MUC3A: variants seen among roughly 807,000 people sequenced by gnomAD.
The protein encoded by MUC3A is mucin-3A.
A neutral mutation model predicts 109.0 loss-of-function variants in MUC3A; 109 were observed. The ratio of observed to expected loss-of-function variants is 1.00; its 90% CI spans 0.86 to 1.17. The LOEUF is 1.17. MUC3A is among the 50% of genes most tolerant of loss of function. The probability of loss-of-function intolerance (pLI) is 0.00; values close to 1 mark genes in which losing one functional copy is unlikely to be tolerated. For synonymous variants in MUC3A, 1,398 were observed against 981.4 expected (o/e 1.42, Z -7.93); for missense variants, 3,537 against 2,469.4 (o/e 1.43, Z -9.16).
chr7:100,964,634 G>C (rs1189947137), intron 5 of MUC3A, 61 bp from the exon 6 acceptor site: 1 of 1,546,596 alleles, frequency 6.5e-7, no homozygotes, highest in Non-Finnish European at 8.7e-7. Flanking sequence ...TTCTGGAGGT[G>C]CCCCTCCAAG....
In MUC3A at chr7:100,958,517, T is replaced by A. The variant is rs1344573003; in HGVS notation, c.6738T>A (p.Thr2246=). Residue 2246 remains threonine, a synonymous_variant, in exon 2 of 12, where the codon ACT becomes ACA. Coordinates refer to ENST00000379458, the MANE Select transcript of MUC3A (RefSeq NM_005960.2). Reference sequence around the variant, plus strand: ...GCTTCACTTCTTCAATCACCACCACTGAGACTACATCCCACAGTACTCCCA... The same window carrying A: ...GCTTCACTTCTTCAATCACCACCACAGAGACTACATCCCACAGTACTCCCA... ...TPGFTSSITT[T]ETTSHSTPSF... is the part of the protein sequence containing the mutation. The A allele has an allele frequency of 0.015, 5,955 of 410,132 alleles. 33 individuals carry two copies. Among genetic ancestry groups the A allele is most frequent in the Middle Eastern group, 0.035 (52 of 1,468 alleles). The allele number at this position is 410,132 out of a possible 1,614,324, so 25.4% of individuals were successfully genotyped here. A position where few individuals can be genotyped will look rare whatever the true frequency, so the allele number is the denominator to read the frequency against.
chr7:100,957,270 A>G lies in MUC3A; in HGVS notation c.5491A>G (p.Thr1831Ala). The G allele has an allele frequency of 1.9e-6, 1 of 523,714 alleles. No homozygotes were observed. Among genetic ancestry groups the G allele is most frequent in the Non-Finnish European group, 3.3e-6 (1 of 300,188 alleles). 32.4% of individuals were successfully genotyped at this position (523,714 alleles called of 1,614,324 possible). A position where few individuals can be genotyped will look rare whatever the true frequency, so the allele number is the denominator to read the frequency against. Reference protein sequence around the residue: ...TLVTTFSNSDTSSTPTSETTY... With the variant: ...TLVTTFSNSDASSTPTSETTY... ...GGTGACCACATTCTCCAATTCCGAC[A>G]CCAGTTCTACACCTACATCTGAGAC... Residue 1831 changes from threonine to alanine, a missense_variant, in exon 2 of 12, where the codon ACC (threonine) becomes GCC (alanine). Coordinates refer to ENST00000379458, the MANE Select transcript of MUC3A (RefSeq NM_005960.2).
In MUC3A at chr7:100,952,670, T is replaced by G; in HGVS notation, c.891T>G (p.Pro297=). ...SPTRTILSST[P]VLSTETITSG... ...CTAGGACCATTTTATCTTCCACACCTGTCCTGAGCACAGAAACAATCACCA... is the reference window on the plus strand; with the variant it reads ...CTAGGACCATTTTATCTTCCACACCGGTCCTGAGCACAGAAACAATCACCA... The change falls in exon 2 of 12, where the codon CCT becomes CCG. Residue 297 remains proline, a synonymous_variant. Transcript: ENST00000379458. 1 of 1,598,542 alleles carries G rather than the reference T, an allele frequency of 6.3e-7. No individual in the cohort carries two copies. The highest frequency in any genetic ancestry group is 8.5e-7 in the Non-Finnish European group (1 of 1,179,798).
intron 6 of MUC3A, 99 bp from the exon 7 acceptor site, chr7:100,965,183 A>C (rs1378776681): frequency 6.5e-7 from 1 of 1,531,268 alleles, no homozygotes; most frequent in South Asian, 1.2e-5. Context: ...GAGAGCCCTC[A>C]CTGCCCTCCC....
chr7:100,951,998 T>C lies in MUC3A; in HGVS notation c.219T>C (p.Asn73=). ...LASPAPGHRE[N]APMTLTTSPH... ...CTCCTGCTCCTGGCCACAGGGAAAA[T>C]GCACCTATGACACTCACTACCTCCC... The change falls in exon 2 of 12, where the codon AAT becomes AAC. Residue 73 remains asparagine, a synonymous_variant. Coordinates refer to ENST00000379458, the MANE Select transcript of MUC3A (RefSeq NM_005960.2). 3 of 1,598,662 alleles carry C rather than the reference T, an allele frequency of 1.9e-6. No homozygotes were observed. The highest frequency in any genetic ancestry group is 1.7e-5 in the Admixed American group (1 of 60,028).
Position 100,958,679 on chromosome 7 carries a change from C to G in MUC3A, c.6900C>G (p.Thr2300=). The G allele has an allele frequency of 6.9e-6, 9 of 1,298,344 alleles. No homozygotes were observed. The highest frequency in any genetic ancestry group is 7.9e-6 in the Non-Finnish European group (8 of 1,014,398). 80.4% of individuals were successfully genotyped at this position (1,298,344 alleles called of 1,614,324 possible). The change falls in exon 2 of 12, where the codon ACC becomes ACG. Residue 2300 remains threonine, a synonymous_variant. Coordinates refer to ENST00000379458, the MANE Select transcript of MUC3A (RefSeq NM_005960.2). The stretch of plus-strand genomic sequence containing the variant: ...CTTTAATCACCACCACCAAGACCAC[C>G]TCACACAGTACTCCCAGCTTCACTT... ...STSLITTTKT[T]SHSTPSFTSS... is the part of the protein sequence containing the mutation.
Position 100,957,178 on chromosome 7 carries a change from C to A in MUC3A, c.5399C>A (p.Ser1800Tyr). The A allele has an allele frequency of 2.2e-6, 1 of 459,702 alleles. No individual in the cohort carries two copies. Among genetic ancestry groups the A allele is most frequent in the Non-Finnish European group, 3.8e-6 (1 of 263,974 alleles). The allele number at this position is 459,702 out of a possible 1,614,324, so 28.5% of individuals were successfully genotyped here. ...LPSFTSSVSS[S>Y]TPVPSTEAIT... The stretch of plus-strand genomic sequence containing the variant: ...TCATTTACCAGTAGCGTTTCATCTT[C>A]TACGCCTGTCCCAAGTACAGAAGCG... Residue 1800 changes from serine to tyrosine, a missense_variant, in exon 2 of 12, where the codon TCT becomes TAT. Ser to Tyr is a moderately radical substitution (Grantham distance 144). Coordinates refer to ENST00000379458, the MANE Select transcript of MUC3A (RefSeq NM_005960.2).
rs1258088055 is a variant in MUC3A, at chr7:100,966,657, G to A, written c.9791G>A (p.Trp3264Ter). ...CGCGCGGCGGCCCCACCTAGGTCCT[G>A]GGACCAGGACAGGAAATGGTTCGAG... The part of the protein sequence containing the change: ...WWGGQRRGRS[W>*]DQDRKWFETW... Residue 3264 changes from tryptophan (W) to a stop codon, truncating the protein, a stop_gained, in exon 10 of 12, where the codon TGG (tryptophan) becomes TAG (stop). Transcript: ENST00000379458. LOFTEE classifies it high-confidence loss of function. 2 of 1,598,534 alleles carry A rather than the reference G, an allele frequency of 1.3e-6. No individual in the cohort carries two copies. The highest frequency in any genetic ancestry group is 4.5e-5 in the East Asian group (2 of 44,892).
Position 100,966,915 on chromosome 7 carries a change from CTA to C in MUC3A, c.9896_9897del (p.Tyr3299CysfsTer104), listed in dbSNP as rs749878892. On this transcript the variant is annotated frameshift_variant, in exon 11 of 12. Coordinates refer to ENST00000379458, the MANE Select transcript of MUC3A (RefSeq NM_005960.2). LOFTEE classifies it low-confidence loss of function (END_TRUNC). ...TCTCTCTAGACAAGGATACAAATTT[CTA>C]TGTGGCCTTGGAGAACGTGGACACC... is the stretch of plus-strand genomic sequence containing the variant. The part of the protein sequence containing the change: ...DDGTDKDTNF[Y>X]VALENVDTTM... The C allele has an allele frequency of 6.3e-7, 1 of 1,598,548 alleles. No homozygotes were observed. The highest frequency in any genetic ancestry group is 1.1e-5 in the South Asian group (1 of 91,092).
Position 100,954,811 on chromosome 7 carries a change from GT to G in MUC3A, c.3034del (p.Ser1012LeufsTer9). 1 of 352,636 alleles carries G rather than the reference GT, an allele frequency of 2.8e-6. No individual in the cohort carries two copies. The highest frequency in any genetic ancestry group is 4.8e-6 in the Non-Finnish European group (1 of 208,072). 21.8% of individuals were successfully genotyped at this position (352,636 alleles called of 1,614,324 possible). On this transcript the variant is annotated frameshift_variant, in exon 2 of 12. Transcript: ENST00000379458. LOFTEE classifies it high-confidence loss of function. ...GCCATGACTTCTCCTCCCCCCGTCA[GT>G]TCTTCAATCACTCCCACCAATACAA... ...TTAMTSPPPVSSSITPTNTMT... is the reference protein window; with the variant it reads ...TTAMTSPPPVXSSITPTNTMT...
intron 1 of MUC3A, among the ~76,000 whole-genome samples, chr7:100,950,702 A>C (rs1356020726): frequency 6.6e-6 from 1 of 152,306 alleles, no homozygotes; most frequent in Non-Finnish European, 1.5e-5. Flanking sequence ...TCTGATCCTA[A>C]CTCTGACAAA....
rs1026615501 is a variant in MUC3A, at chr7:100,955,442, A to G, written c.3663A>G (p.Thr1221=). 10 of 458,248 alleles carry G rather than the reference A, an allele frequency of 2.2e-5. No individual in the cohort carries two copies. The highest frequency in any genetic ancestry group is 2.0e-4 in the African/African-American group (10 of 50,092). The allele number at this position is 458,248 out of a possible 1,614,324, so 28.4% of individuals were successfully genotyped here. Residue 1221 remains threonine, a synonymous_variant, in exon 2 of 12, where the codon ACA becomes ACG. Transcript: ENST00000379458. ...TGFLTTATDL[T]STFTVSSSSA... is the part of the protein sequence containing the mutation. ...TCCTGACTACAGCAACAGACCTCAC[A>G]TCAACATTCACTGTTTCCAGTTCCT... is the stretch of plus-strand genomic sequence containing the variant.
rs587598237 is a variant in MUC3A, at chr7:100,965,849, G to C, written c.9594G>C (p.Thr3198=). The change falls in exon 8 of 12, where the codon ACG becomes ACC. Residue 3198 remains threonine (T), a synonymous_variant. Transcript: ENST00000379458. ...ACCAGGGCCAGTGCGTTCTGGAGAC[G>C]AGCGGTCCCACGTGTCGGTAAGGCC... ...DCHQGQCVLE[T]SGPTCRCYST... The C allele has an allele frequency of 1.3e-6, 2 of 1,594,650 alleles. No homozygotes were observed. The highest frequency in any genetic ancestry group is 8.5e-7 in the Non-Finnish European group (1 of 1,177,218).
chr7:100,958,992 A>G lies in MUC3A; in HGVS notation c.7213A>G (p.Ile2405Val), dbSNP rs771026471. 6.4e-7 allele frequency: 1 copy of G among 1,573,902 alleles called. No individual in the cohort carries two copies. The highest frequency in any genetic ancestry group is 8.6e-7 in the Non-Finnish European group (1 of 1,167,800). ...CACCACCACCAAGACCACCTCACACATTACTCCTGGCCTCACTTCTTCAAT... is the reference window on the plus strand; with the variant it reads ...CACCACCACCAAGACCACCTCACACGTTACTCCTGGCCTCACTTCTTCAAT... Reference protein sequence around the residue: ...WVTTTKTTSHITPGLTSSITT... With the variant: ...WVTTTKTTSHVTPGLTSSITT... The change falls in exon 2 of 12, where the codon ATT becomes GTT. Residue 2405 changes from isoleucine (I) to valine (V), a missense_variant. Coordinates refer to ENST00000379458, the MANE Select transcript of MUC3A (RefSeq NM_005960.2).
chr7:100,951,776 T>C (rs1170753510), intron 1 of MUC3A, 65 bp from the exon 2 acceptor site: 2 of 1,565,608 alleles, frequency 1.3e-6, no homozygotes, highest in African/African-American at 1.3e-5. Context: ...GTAGCTTACA[T>C]GAGTGATGTA....
Position 100,958,023 on chromosome 7 carries a change from A to G in MUC3A, c.6244A>G (p.Thr2082Ala). 1.8e-6 allele frequency: 2 copies of G among 1,101,960 alleles called. No homozygotes were observed. Among genetic ancestry groups the G allele is most frequent in the Non-Finnish European group, 2.7e-6 (2 of 727,466 alleles). 68.3% of individuals were successfully genotyped at this position (1,101,960 alleles called of 1,614,324 possible). A position where few individuals can be genotyped will look rare whatever the true frequency, so the allele number is the denominator to read the frequency against. The change falls in exon 2 of 12, where the codon ACC becomes GCC. Residue 2082 changes from threonine (T) to alanine (A), a missense_variant. Thr to Ala is a moderately conservative substitution (Grantham distance 58, BLOSUM62 0). Transcript: ENST00000379458. ...STLSYTTSIT[T>A]TETPSHSTLS... Reference sequence around the variant, plus strand: ...TCTCAGCTACACTACCTCAATCACCACCACCGAGACCCCCTCACACAGTAC... The same window carrying G: ...TCTCAGCTACACTACCTCAATCACCGCCACCGAGACCCCCTCACACAGTAC...
chr7:100,966,767 C>G (rs1482465133), intron 10 of MUC3A, 24 bp downstream of exon 10: 2 of 1,598,422 alleles, frequency 1.3e-6, no homozygotes, highest in Non-Finnish European at 1.7e-6. Context: ...CCTGGGGAAG[C>G]AGGCAGAGGC....
intron 4 of MUC3A, 103 bp from the exon 5 acceptor site, chr7:100,963,584 CG>C: frequency 6.4e-7 from 1 of 1,558,672 alleles, no homozygotes; most frequent in Non-Finnish European, 8.7e-7. Context: ...GGCACCCGGC[CG>C]GGGAGGGGAA....
In MUC3A at chr7:100,953,762, A is replaced by G. The variant is rs928221962; in HGVS notation, c.1983A>G (p.Thr661=). 17 of 423,016 alleles carry G rather than the reference A, an allele frequency of 4.0e-5. No individual in the cohort carries two copies. The highest frequency in any genetic ancestry group is 3.2e-4 in the Middle Eastern group (1 of 3,158). The allele number at this position is 423,016 out of a possible 1,614,324, so 26.2% of individuals were successfully genotyped here. The part of the protein sequence containing the change: ...TSPPTTTNSF[T]SLTSMPLSST... ...CTCCCACAACCACCAATTCTTTTAC[A>G]TCACTGACCAGTATGCCTCTGTCTT... Residue 661 remains threonine (T), a synonymous_variant, in exon 2 of 12, where the codon ACA becomes ACG. Coordinates refer to ENST00000379458, the MANE Select transcript of MUC3A (RefSeq NM_005960.2).
Sources: allele counts gnomAD v4.1 joint callset (sites outside exome capture counted in the v4.1 genomes callset), GRCh38; gene constraint gnomAD v4.1.1; transcripts MANE v1.5; gene names NCBI Gene and HGNC (gene_info 2026-07-23, HGNC 2026-07-21).